Variants in TNRC18 observed in about 807,000 individuals in gnomAD.
TNRC18 encodes trinucleotide repeat containing 18.
TNRC18 carries 69 observed loss-of-function variants against 226.7 expected under a neutral mutation model. That is an observed-to-expected ratio of 0.30 (90% CI 0.25 to 0.37). TNRC18 has a LOEUF of 0.37. TNRC18 is among the 10% of genes least tolerant of loss of function. The pLI is 1.00. For synonymous variants in TNRC18, 2,449 were observed against 1,927.6 expected (o/e 1.27, Z -7.09); for missense variants, 4,754 against 4,256.6 (o/e 1.12, Z -3.25).
At position 5,307,308 on chromosome 7, in the gene TNRC18, C is replaced by A. The variant is rs547667027; in HGVS notation, c.*798G>T. 6.6e-6 allele frequency: 1 copy of A among 151,226 alleles called. No homozygotes were observed. Among genetic ancestry groups the A allele is most frequent in the African/African-American group, 2.4e-5 (1 of 41,006 alleles). The allele number at this position is 151,226 out of a possible 1,614,324, so 9.4% of individuals were successfully genotyped here. A position where few individuals can be genotyped will look rare whatever the true frequency, so the allele number is the denominator to read the frequency against. On this transcript the variant is annotated 3_prime_UTR_variant, in exon 30 of 30. Coordinates refer to ENST00000430969, the MANE Select transcript of TNRC18 (RefSeq NM_001080495.3). ...ATATATATAATTAAAAAGTTGACTC[C>A]ATTTAAAGGCTTATGATACAGGGGC...
rs1397908784 is a variant in TNRC18, at chr7:5,312,383, C to T, written c.8388+120G>A. The T allele has an allele frequency of 1.6e-5, 23 of 1,412,740 alleles. No individual in the cohort carries two copies. Among genetic ancestry groups the T allele is most frequent in the Non-Finnish European group, 2.0e-5 (22 of 1,074,962 alleles). 87.5% of individuals were successfully genotyped at this position (1,412,740 alleles called of 1,614,324 possible). On this transcript the variant is annotated intron_variant, in intron 27 of 29. Coordinates refer to ENST00000430969, the MANE Select transcript of TNRC18 (RefSeq NM_001080495.3). This position sits in a 1 kb window ranked among gnomAD's most constrained non-coding sequence, Gnocchi z 6.3. ...CCCATCCATAAAGTGGGACGCCAGC[C>T]CTCCACCCTGGGGTTCTGGGAGGTT...
intron 26 of TNRC18, among the ~76,000 whole-genome samples, chr7:5,314,454 G>A (rs988814138): frequency 7.9e-5 from 12 of 152,020 alleles, no homozygotes; most frequent in Admixed American, 3.3e-4. Flanking sequence ...ACACAGGCCA[G>A]CTGCAGCTCA....
In TNRC18 at chr7:5,371,191, A is replaced by C; in HGVS notation, c.3403T>G (p.Leu1135Val). ...GGCTCTGTGATCTTGGAGGGGGACA[A>C]GCGGATGGGCTTGTCTTCGGGTGAG... ...ALSPEDKPIR[L>V]SPSKITEPLR... is the part of the protein sequence containing the mutation. The change falls in exon 11 of 30, where the codon TTG becomes GTG. Residue 1135 changes from leucine to valine, a missense_variant. By Grantham distance (32) the Leu-to-Val change is conservative (BLOSUM62 1). Transcript: ENST00000430969. 6.2e-7 allele frequency: 1 copy of C among 1,605,362 alleles called. No homozygotes were observed. Among genetic ancestry groups the C allele is most frequent in the Middle Eastern group, 1.7e-4 (1 of 6,026 alleles).
chr7:5,373,784 C>T (rs1256412759), intron 10 of TNRC18, among the ~76,000 whole-genome samples: 1 of 152,104 alleles, frequency 6.6e-6, no homozygotes, highest in Admixed American at 6.6e-5. Flanking sequence ...AGGTCTGGCT[C>T]GGTGGAAAAC....
chr7:5,389,865 G>T (rs1240977539), intron 4 of TNRC18: 1 of 153,936 alleles, frequency 6.5e-6, no homozygotes, highest in African/African-American at 2.4e-5. Context: ...CCTAGAGAGC[G>T]CAGGCTCTGG....
chr7:5,339,579 T>TGTGTG (rs1562514263), intron 18 of TNRC18, among the ~76,000 whole-genome samples: 34 of 122,638 alleles, frequency 2.8e-4, no homozygotes, highest in Middle Eastern at 4.2e-3. Flanking sequence ...GTGTGTGTGT[T>TGTGTG]TTTCGACAGA....
chr7:5,356,864 G>A (rs771520995), intron 16 of TNRC18, 52 bp downstream of exon 16: 22 of 1,479,348 alleles, frequency 1.5e-5, no homozygotes, highest in Non-Finnish European at 1.9e-5. Flanking sequence ...GAGAAGAGGG[G>A]AGAAAAGGAG....
In TNRC18 at chr7:5,388,457, G is replaced by T; in HGVS notation, c.1367C>A (p.Pro456His). 6.9e-7 allele frequency: 1 copy of T among 1,446,302 alleles called. No homozygotes were observed. The highest frequency in any genetic ancestry group is 1.4e-5 in the South Asian group (1 of 73,078). The allele number at this position is 1,446,302 out of a possible 1,614,324, so 89.6% of individuals were successfully genotyped here. The change falls in exon 5 of 30, where the codon CCC becomes CAC. Residue 456 changes from proline (P) to histidine (H), a missense_variant. By Grantham distance (77) the Pro-to-His change is moderately conservative. Transcript: ENST00000430969. ...TVRATRASPD[P>H]RAYVPAKELL... ...CTCCTTGGCAGGCACGTAGGCGCGG[G>T]GGTCCGGGGAGGCGCGTGTGGCCCG...
Position 5,324,388 on chromosome 7 carries a change from G to A in TNRC18, c.6301-33C>T. On this transcript the variant is annotated intron_variant, in intron 20 of 29. Transcript: ENST00000430969. This position sits in a 1 kb window ranked among gnomAD's most constrained non-coding sequence, Gnocchi z 4.8. ...CAGAACATGGCCGACAAATGACTTAGGACCTGAACAGGGGTCCTGCCGGGT... is the reference window on the plus strand; with the variant it reads ...CAGAACATGGCCGACAAATGACTTAAGACCTGAACAGGGGTCCTGCCGGGT... The A allele has an allele frequency of 6.2e-7, 1 of 1,610,354 alleles. No individual in the cohort carries two copies. Among genetic ancestry groups the A allele is most frequent in the Admixed American group, 1.7e-5 (1 of 59,934 alleles).
At chr7:5,383,679 G>C (rs780651937) in intron 5 of TNRC18, among the ~76,000 whole-genome samples, 1 of 152,124 alleles carries the variant, frequency 6.6e-6, no homozygotes. Flanking sequence ...GTCCCAGGGC[G>C]TCTCTCTCCT....
intron 19 of TNRC18, among the ~76,000 whole-genome samples, chr7:5,329,026 G>C (rs1016979996): frequency 1.3e-5 from 2 of 152,158 alleles, no homozygotes; most frequent in Admixed American, 6.6e-5. Flanking sequence ...TAGAAGGCCA[G>C]GCGTGGTGGC....
chr7:5,315,537 C>T (rs1337915397), intron 25 of TNRC18, among the ~76,000 whole-genome samples: 6 of 152,026 alleles, frequency 3.9e-5, no homozygotes, highest in Non-Finnish European at 1.5e-5. Context: ...GATTCTCCTG[C>T]CTCAGCCTCC....
chr7:5,361,203 G>A (rs887453841), intron 14 of TNRC18, among the ~76,000 whole-genome samples: 81 of 152,190 alleles, frequency 5.3e-4, no homozygotes, highest in Non-Finnish European at 6.8e-4. Context: ...GTCCGGCACG[G>A]CGGAGACCGA....
chr7:5,344,690 G>T (rs968976825), intron 18 of TNRC18, among the ~76,000 whole-genome samples: 6 of 152,124 alleles, frequency 3.9e-5, no homozygotes, highest in African/African-American at 1.4e-4. Context: ...AAGGATGCCG[G>T]GGGGGTCAGA....
At chr7:5,374,551 C>A in intron 9 of TNRC18, 67 bp from the exon 10 acceptor site, 2 of 1,470,224 alleles carry the variant, frequency 1.4e-6, no homozygotes, top group East Asian at 5.4e-5. Context: ...CCCGCACCTG[C>A]CCTGTCCCCC....
chr7:5,363,390 C>G (rs1793273985), intron 11 of TNRC18, among the ~76,000 whole-genome samples: 1 of 152,100 alleles, frequency 6.6e-6, no homozygotes, highest in South Asian at 2.1e-4. Context: ...ATCATGAGGT[C>G]AGGAGATGGA....
At chr7:5,336,027 C>G (rs10234849) in intron 18 of TNRC18, among the ~76,000 whole-genome samples, 2 of 151,528 alleles carry the variant, frequency 1.3e-5, no homozygotes, top group Admixed American at 6.6e-5. Flanking sequence ...GCCAACATGG[C>G]AAAACCCCAT....
chr7:5,367,975 A>C (rs1001696865), intron 11 of TNRC18, among the ~76,000 whole-genome samples: 9 of 151,866 alleles, frequency 5.9e-5, no homozygotes, highest in African/African-American at 1.9e-4. Context: ...CTCTGGGCAT[A>C]CAATCCCAGG....
chr7:5,349,995 C>T (rs1791615736), intron 17 of TNRC18, among the ~76,000 whole-genome samples: 1 of 152,192 alleles, frequency 6.6e-6, no homozygotes, highest in Admixed American at 6.5e-5. Flanking sequence ...AGCCCGGAGC[C>T]CCTTCCTAAG....
Sources: gnomAD v4.1 joint callset for allele counts (sites outside exome capture counted in the v4.1 genomes callset) on GRCh38, gnomAD v4.1.1 for gene constraint, Gnocchi (gnomAD v3.1) non-coding constraint, MANE v1.5 for transcripts, NCBI Gene and HGNC (gene_info 2026-07-23, HGNC 2026-07-21) for gene names.